AGBL1: variants seen among roughly 807,000 people sequenced by gnomAD.
AGBL1 encodes AGBL carboxypeptidase 1, also known as cytosolic carboxypeptidase 4.
In AGBL1, 130 loss-of-function variants were observed where a neutral mutation model predicts 118.9. That is an observed-to-expected ratio of 1.09 (90% CI 0.95 to 1.26). The LOEUF (loss-of-function observed/expected upper bound fraction) is 1.26, where lower values mean the gene tolerates loss of function less well. Ranked by LOEUF, AGBL1 falls within the 50% of genes most tolerant of loss-of-function variation. The pLI is 0.00. For missense variants in AGBL1, 1,584 were observed against 1,298.1 expected, an observed-to-expected ratio of 1.22 and a Z score of -3.38; for synonymous variants, 555 against 478.9, an observed-to-expected ratio of 1.16 and a Z score of -2.08.
rs114289417 is a variant in AGBL1 at position 86,570,849 on chromosome 15, C to T, written c.2994+16312C>T. On this transcript the variant is annotated intron_variant, in intron 21 of 22. Transcript: ENST00000614907. Reference sequence around the variant, plus strand: ...GCTTGGGCCCTCTGGGCTTGTTCCGCTCACTCGACCTGGCAGGCTGGACTT... The same window carrying T: ...GCTTGGGCCCTCTGGGCTTGTTCCGTTCACTCGACCTGGCAGGCTGGACTT... 3.6e-3 allele frequency among the ~76,000 whole-genome samples: 549 copies of T among 152,302 alleles called. 2 individuals carry two copies. Among genetic ancestry groups the T allele is most frequent in the African/African-American group, 0.013 (537 of 41,566 alleles).
chr15:86,856,084 G>A (rs2079475522), intron 22 of AGBL1, among the ~76,000 whole-genome samples: 3 of 152,238 alleles, frequency 2.0e-5, no homozygotes, highest in Non-Finnish European at 4.4e-5. Flanking sequence ...CATCAGTGTG[G>A]ATGGGCTCTG....
At chr15:86,245,891 C>T (rs943435429) in intron 6 of AGBL1, among the ~76,000 whole-genome samples, 2 of 151,798 alleles carry the variant, frequency 1.3e-5, no homozygotes, top group Non-Finnish European at 2.9e-5. Flanking sequence ...ATTTTAATTT[C>T]TTTCTTTCTT....
intron 18 of AGBL1, among the ~76,000 whole-genome samples, chr15:86,503,091 C>T (rs1236112509): frequency 1.3e-5 from 2 of 151,468 alleles, no homozygotes; most frequent in African/African-American, 4.8e-5. Flanking sequence ...TTTGTGAGAG[C>T]TTTGTTGATT....
intron 22 of AGBL1, among the ~76,000 whole-genome samples, chr15:86,755,009 T>C (rs1390540589): frequency 6.6e-6 from 1 of 152,110 alleles, no homozygotes; most frequent in Non-Finnish European, 1.5e-5. Flanking sequence ...GGACTTGAGA[T>C]TTATCAGAAA....
chr15:86,353,122 T>C (rs1331132311), intron 17 of AGBL1, among the ~76,000 whole-genome samples: 2 of 152,330 alleles, frequency 1.3e-5, no homozygotes, highest in Non-Finnish European at 2.9e-5. Context: ...GATTTCCAAT[T>C]AGTTTTCCTT....
At chr15:86,770,072 G>T (rs564103053) in intron 22 of AGBL1, among the ~76,000 whole-genome samples, 46 of 152,048 alleles carry the variant, frequency 3.0e-4, no homozygotes, top group Non-Finnish European at 5.6e-4. Context: ...TGCCCAGGTT[G>T]TTCCTTTTCA....
intron 23 of AGBL1, among the ~76,000 whole-genome samples, chr15:86,962,313 A>G (rs1450070515): frequency 2.0e-5 from 3 of 152,032 alleles, no homozygotes; most frequent in Non-Finnish European, 4.4e-5. Flanking sequence ...AGACTCCTGG[A>G]TCTGTGTGTT....
At chr15:86,787,858 CTTT>C (rs553608229) in intron 22 of AGBL1, among the ~76,000 whole-genome samples, 1 of 152,088 alleles carries the variant, frequency 6.6e-6, no homozygotes. Flanking sequence ...ATACTTACAT[CTTT>C]TTTTTCTTCT....
intron 24 of AGBL1, among the ~76,000 whole-genome samples, chr15:86,988,788 T>G (rs2081309688): frequency 6.6e-6 from 1 of 152,208 alleles, no homozygotes; most frequent in African/African-American, 2.4e-5. Flanking sequence ...TTTTGATGAT[T>G]AATTTTAGTA....
intron 22 of AGBL1, among the ~76,000 whole-genome samples, chr15:86,828,394 A>G (rs2079061156): frequency 7.2e-6 from 1 of 139,032 alleles, no homozygotes; most frequent in Non-Finnish European, 1.6e-5. Flanking sequence ...TAAGTGTAGA[A>G]TCTCGAGATG....
chr15:86,925,556 C>A (rs2080527286), intron 23 of AGBL1, among the ~76,000 whole-genome samples: 1 of 152,112 alleles, frequency 6.6e-6, no homozygotes, highest in Non-Finnish European at 1.5e-5. Flanking sequence ...ATGTAGAGAG[C>A]TTCTATGCAT....
chr15:86,416,195 A>T (rs1462864972), intron 18 of AGBL1, among the ~76,000 whole-genome samples: 1 of 152,262 alleles, frequency 6.6e-6, no homozygotes, highest in Non-Finnish European at 1.5e-5. Context: ...CTAAATATTG[A>T]CTCGTTTCTA....
At chr15:86,520,192 C>T (rs1359737872) in intron 18 of AGBL1, among the ~76,000 whole-genome samples, 1 of 152,144 alleles carries the variant, frequency 6.6e-6, no homozygotes, top group East Asian at 1.9e-4. Flanking sequence ...CATCCTTGAG[C>T]ATTTTAGATG....
intron 18 of AGBL1, among the ~76,000 whole-genome samples, chr15:86,437,821 C>T (rs1391720634): frequency 1.3e-5 from 2 of 152,138 alleles, no homozygotes; most frequent in South Asian, 2.1e-4. Context: ...TGAGGTCAAA[C>T]CCAGCCTCTC....
intron 21 of AGBL1, among the ~76,000 whole-genome samples, chr15:86,623,662 A>T (rs1044280722): frequency 1.3e-5 from 2 of 152,234 alleles, no homozygotes; most frequent in African/African-American, 4.8e-5. Flanking sequence ...ATATGACAAG[A>T]GATGCATTTC....
chr15:86,129,555 G>T lies in AGBL1; in HGVS notation c.52-12449G>T, dbSNP rs189845301. 1.0e-3 allele frequency among the ~76,000 whole-genome samples: 155 copies of T among 152,280 alleles called. 3 individuals are homozygous for T. The Middle Eastern group carries it at 0.01, about 10-fold the overall frequency. The stretch of plus-strand genomic sequence containing the variant: ...ATAGGTATGAGTAATTAATGCATTT[G>T]TGTGGTGGTTCTCAACCAGGGCCAA... On this transcript the variant is annotated intron_variant, in intron 1 of 22. Transcript: ENST00000614907.
intron 18 of AGBL1, among the ~76,000 whole-genome samples, chr15:86,418,388 C>G (rs1037508250): frequency 1.3e-5 from 2 of 152,172 alleles, no homozygotes; most frequent in African/African-American, 4.8e-5. Context: ...GCTCTGTCTC[C>G]TTATCTAATA....
chr15:86,624,399 A>G (rs191338967), intron 21 of AGBL1, among the ~76,000 whole-genome samples: 75 of 152,326 alleles, frequency 4.9e-4, no homozygotes, highest in Admixed American at 4.6e-3. Flanking sequence ...TTTATTGAGC[A>G]CCTACAGTAT....
chr15:86,890,340 GT>G (rs1281441262), intron 22 of AGBL1, among the ~76,000 whole-genome samples: 1 of 152,076 alleles, frequency 6.6e-6, no homozygotes, highest in Non-Finnish European at 1.5e-5. Context: ...TCTGTAGGTT[GT>G]TTTTTCACTC....
Sources: gnomAD v4.1 joint callset for allele counts (sites outside exome capture counted in the v4.1 genomes callset) on GRCh38, gnomAD v4.1.1 for gene constraint, MANE v1.5 for transcripts, NCBI Gene and HGNC (gene_info 2026-07-23, HGNC 2026-07-21) for gene names.